The following DLGAP1 variants were observed in gnomAD, a reference collection of about 807,000 sequenced individuals.
The protein encoded by DLGAP1 is disks large-associated protein 1.
DLGAP1 carries 11 observed loss-of-function variants against 90.8 expected under a neutral mutation model. The observed-to-expected ratio is 0.12, with a 90% CI of 0.08 to 0.20. DLGAP1 has a LOEUF of 0.20. DLGAP1 is among the 10% of genes least tolerant of loss of function. DLGAP1 has a pLI of 1.00. For missense variants in DLGAP1, 1,050 were observed against 1,333.8 expected, an observed-to-expected ratio of 0.79 and a Z score of 3.31; for synonymous variants, 558 against 540.7, an observed-to-expected ratio of 1.03 and a Z score of -0.44.
chr18:4,379,446 C>T (rs2082075611), intron 1 of DLGAP1, among the ~76,000 whole-genome samples: 1 of 152,130 alleles, frequency 6.6e-6, no homozygotes, highest in African/African-American at 2.4e-5. Flanking sequence ...GGGAACTTCC[C>T]TTTTGACTGT....
intron 3 of DLGAP1, among the ~76,000 whole-genome samples, chr18:3,967,200 C>T (rs1311333467): frequency 1.3e-5 from 2 of 152,200 alleles, no homozygotes; most frequent in African/African-American, 4.8e-5. Context: ...AGAGGGCATT[C>T]CATAAATACT....
intron 2 of DLGAP1, among the ~76,000 whole-genome samples, chr18:4,065,811 GA>G (rs886610674): frequency 2.3e-4 from 35 of 150,200 alleles, no homozygotes; most frequent in African/African-American, 6.9e-4. Context: ...TGCAGAACTA[GA>G]AAAAAAAATT....
chr18:3,794,574 A>C (rs557000282), intron 5 of DLGAP1, among the ~76,000 whole-genome samples: 1 of 152,340 alleles, frequency 6.6e-6, no homozygotes, highest in African/African-American at 2.4e-5. Flanking sequence ...TCTATGTATA[A>C]AGAGAGCTTC....
chr18:3,696,932 T>C (rs1352336543), intron 7 of DLGAP1, among the ~76,000 whole-genome samples: 2 of 152,220 alleles, frequency 1.3e-5, no homozygotes, highest in Non-Finnish European at 2.9e-5. Flanking sequence ...TGGGAGGATG[T>C]ATGTGTCTAG....
chr18:3,760,941 TCCGTGACA>T (rs1250427609), intron 5 of DLGAP1, among the ~76,000 whole-genome samples: 3 of 152,162 alleles, frequency 2.0e-5, no homozygotes, highest in Non-Finnish European at 4.4e-5. Flanking sequence ...TTTGGTTGGG[TCCGTGACA>T]CTGTGCAAGC....
At chr18:4,056,500 G>A (rs1568372473) in intron 2 of DLGAP1, among the ~76,000 whole-genome samples, 1 of 152,130 alleles carries the variant, frequency 6.6e-6, no homozygotes, top group Non-Finnish European at 1.5e-5. Flanking sequence ...TACAACACAT[G>A]GTTTTTAGAT....
At chr18:4,394,309 T>A (rs1422798166) in intron 1 of DLGAP1, among the ~76,000 whole-genome samples, 2 of 152,196 alleles carry the variant, frequency 1.3e-5, no homozygotes, top group South Asian at 4.1e-4. Flanking sequence ...TTATCAAATG[T>A]CTACTGTTCT....
At chr18:3,605,386 T>C (rs1043446069) in intron 7 of DLGAP1, among the ~76,000 whole-genome samples, 2 of 152,212 alleles carry the variant, frequency 1.3e-5, no homozygotes, top group African/African-American at 2.4e-5. Context: ...ATTATCTTCT[T>C]GGTTCCCAAC....
chr18:4,006,513 T>A (rs1487803118), intron 2 of DLGAP1, among the ~76,000 whole-genome samples: 1 of 152,168 alleles, frequency 6.6e-6, no homozygotes, highest in African/African-American at 2.4e-5. Context: ...CTAAGAGTGC[T>A]CCAGCTGTTG....
At position 4,383,193 on chromosome 18, in the gene DLGAP1, A is replaced by G. The variant is rs1016610876; in HGVS notation, c.-267+71813T>C. Among the ~76,000 whole-genome samples the G allele has an allele frequency of 7.9e-5, 12 of 152,184 alleles. No homozygotes were observed. The highest frequency in any genetic ancestry group is 2.7e-4 in the African/African-American group (11 of 41,458). ...TTATCCAGATAGAACAAAAGCACAAACAAAACATTAAAACATTACCTGGGG... is the reference window on the plus strand; with the variant it reads ...TTATCCAGATAGAACAAAAGCACAAGCAAAACATTAAAACATTACCTGGGG... On this transcript the variant is annotated intron_variant, in intron 1 of 12. Coordinates refer to ENST00000315677, the MANE Select transcript of DLGAP1 (RefSeq NM_004746.4). The surrounding 1 kb of genome is among the most constrained non-coding windows in gnomAD (Gnocchi z 4.0).
At chr18:3,787,820 G>A (rs1271336657) in intron 5 of DLGAP1, among the ~76,000 whole-genome samples, 1 of 151,942 alleles carries the variant, frequency 6.6e-6, no homozygotes, top group Non-Finnish European at 1.5e-5. Context: ...CTGACCCCCC[G>A]CCCCAAGCTC....
At chr18:3,536,842 G>A (rs2052408490) in intron 9 of DLGAP1, among the ~76,000 whole-genome samples, 1 of 152,162 alleles carries the variant, frequency 6.6e-6, no homozygotes, top group South Asian at 2.1e-4. Flanking sequence ...ACATGGGGAA[G>A]GTGGGAGGGG....
rs571967096 is a variant in DLGAP1, at chr18:4,444,312, T to C, written c.-267+10694A>G. ...CTTACATTTTGAATGTTGCTATAGATGCACTGAATTGTTTCATGAGAATAT... is the reference window on the plus strand; with the variant it reads ...CTTACATTTTGAATGTTGCTATAGACGCACTGAATTGTTTCATGAGAATAT... On this transcript the variant is annotated intron_variant, in intron 1 of 12. Coordinates refer to ENST00000315677, the MANE Select transcript of DLGAP1 (RefSeq NM_004746.4). Among the ~76,000 whole-genome samples, 5 of 152,352 alleles carry C rather than the reference T, an allele frequency of 3.3e-5. No homozygotes were observed. In the South Asian group the frequency reaches 1.0e-3, roughly 32 times the overall value.
intron 3 of DLGAP1, among the ~76,000 whole-genome samples, chr18:3,967,866 C>T: frequency 6.6e-6 from 1 of 152,110 alleles, no homozygotes. Flanking sequence ...TCCCCACACA[C>T]ACATATAGGA....
intron 2 of DLGAP1, among the ~76,000 whole-genome samples, chr18:4,092,109 A>G (rs2075781180): frequency 6.6e-6 from 1 of 152,136 alleles, no homozygotes; most frequent in African/African-American, 2.4e-5. Flanking sequence ...GTATATTACT[A>G]GCTTCAAATT....
chr18:4,124,432 G>A (rs953267783), intron 2 of DLGAP1, among the ~76,000 whole-genome samples: 2 of 152,212 alleles, frequency 1.3e-5, no homozygotes, highest in Non-Finnish European at 2.9e-5. Context: ...TTTTGGAGTA[G>A]ATGAAGAAAG....
chr18:4,059,474 G>T (rs906190089), intron 2 of DLGAP1, among the ~76,000 whole-genome samples: 2 of 152,184 alleles, frequency 1.3e-5, no homozygotes, highest in African/African-American at 4.8e-5. Flanking sequence ...CACTTTGGGA[G>T]GCCAAGACAG....
intron 8 of DLGAP1, among the ~76,000 whole-genome samples, chr18:3,576,598 C>G (rs1284241022): frequency 7.3e-6 from 1 of 137,120 alleles, no homozygotes; most frequent in Non-Finnish European, 1.6e-5. Context: ...GAGCTTCGCT[C>G]TTGTTGCCCA....
intron 5 of DLGAP1, chr18:3,774,172 C>T (rs1436331065): frequency 6.6e-6 from 1 of 152,086 alleles, no homozygotes; most frequent in Admixed American, 6.6e-5. Context: ...TGGTGAGTGC[C>T]AGGATACAAA....
Sources: gnomAD v4.1 joint callset for allele counts (sites outside exome capture counted in the v4.1 genomes callset) on GRCh38, gnomAD v4.1.1 for gene constraint, Gnocchi (gnomAD v3.1) non-coding constraint, MANE v1.5 for transcripts, NCBI Gene and HGNC (gene_info 2026-07-23, HGNC 2026-07-21) for gene names.